Variants in LCORL observed in about 807,000 individuals in gnomAD.
LCORL encodes ligand dependent nuclear receptor corepressor like.
LCORL carries 41 observed loss-of-function variants against 141.8 expected under a neutral mutation model. That is an observed-to-expected ratio of 0.29 (90% CI 0.23 to 0.38). The LOEUF is 0.38. Ranked by LOEUF, LCORL falls within the 10% of genes least tolerant of loss-of-function variation. LCORL has a pLI of 1.00. For synonymous variants in LCORL, 618 were observed against 694.1 expected (o/e 0.89, Z 1.72); for missense variants, 1,759 against 2,035.0 (o/e 0.86, Z 2.61).
At chr4:17,883,655 CACAT>C (rs989700525) in intron 6 of LCORL, 10 of 1,434,084 alleles carry the variant, frequency 7.0e-6, no homozygotes, top group African/African-American at 6.3e-5. Context: ...CACACCTGTG[CACAT>C]ACACACACAC....
chr4:17,843,213 A>C, exon 8 of LCORL: 2 of 1,402,328 alleles, frequency 1.4e-6, no homozygotes, highest in African/African-American at 2.9e-5. Context: ...CACTGATAGA[A>C]TGTGAGTCAG....
chr4:17,925,140 C>T (rs1367562767), intron 4 of LCORL, among the ~76,000 whole-genome samples: 1 of 152,174 alleles, frequency 6.6e-6, no homozygotes, highest in Admixed American at 6.5e-5. Context: ...TTAAGATTGC[C>T]ACCTGGCTAC....
At chr4:18,017,700 A>G (rs1425182373) in intron 1 of LCORL, among the ~76,000 whole-genome samples, 3 of 152,206 alleles carry the variant, frequency 2.0e-5, no homozygotes, top group Non-Finnish European at 4.4e-5. Context: ...CTAAGGAGAC[A>G]TAATTACCAA....
At chr4:17,867,649 T>G (rs1000063547) in intron 7 of LCORL, among the ~76,000 whole-genome samples, 2 of 152,228 alleles carry the variant, frequency 1.3e-5, no homozygotes, top group Admixed American at 6.5e-5. Context: ...TTCCTTGAGT[T>G]CCTTTGTGAC....
chr4:17,877,300 AATC>A, exon 7 of LCORL: 2 of 1,229,532 alleles, frequency 1.6e-6, no homozygotes, highest in Non-Finnish European at 2.0e-6. Flanking sequence ...CCCAATTTTA[AATC>A]ATTATATGTA....
chr4:17,854,861 G>C (rs1724170852), intron 7 of LCORL, among the ~76,000 whole-genome samples: 1 of 152,062 alleles, frequency 6.6e-6, no homozygotes, highest in Non-Finnish European at 1.5e-5. Context: ...AGACTCTGAA[G>C]ACCAACAGTC....
intron 6 of LCORL, among the ~76,000 whole-genome samples, chr4:17,885,673 T>C (rs1393473967): frequency 6.6e-6 from 1 of 151,994 alleles, no homozygotes; most frequent in Non-Finnish European, 1.5e-5. Flanking sequence ...CTAAACACTA[T>C]AAACTAGCAT....
chr4:17,991,845 C>A (rs1306571899), intron 1 of LCORL, among the ~76,000 whole-genome samples: 1 of 151,978 alleles, frequency 6.6e-6, no homozygotes, highest in African/African-American at 2.4e-5. Flanking sequence ...AATACCATAT[C>A]TGAAGCCCTA....
Position 18,010,398 on chromosome 4 carries a change from C to CTGTG in LCORL, c.154+11196_154+11199dup, listed in dbSNP as rs746629992. Among the ~76,000 whole-genome samples, 341 of 150,188 alleles carry CTGTG rather than the reference C, an allele frequency of 2.3e-3. 1 individual carries two copies. Among genetic ancestry groups the CTGTG allele is most frequent in the African/African-American group, 7.4e-3 (303 of 40,982 alleles). ...GGTACATATATATATGTGTGTGTGT[C>CTGTG]TGTGTGTGTGTGTGTATATATATAT... On this transcript the variant is annotated intron_variant, in intron 1 of 7. Coordinates refer to ENST00000635767, the Ensembl canonical transcript of LCORL.
exon 7 of LCORL, chr4:17,876,452 T>C (rs1726932331): frequency 8.1e-7 from 1 of 1,230,804 alleles, no homozygotes; most frequent in African/African-American, 1.6e-5. Context: ...ATTTTTTGGC[T>C]ATACTTATTG....
chr4:17,935,976 A>C (rs1303185548), intron 4 of LCORL, among the ~76,000 whole-genome samples: 1 of 152,196 alleles, frequency 6.6e-6, no homozygotes, highest in African/African-American at 2.4e-5. Flanking sequence ...TGACCACTTA[A>C]AGAACTCTGA....
chr4:17,974,448 A>T (rs1716555724), intron 1 of LCORL, among the ~76,000 whole-genome samples: 1 of 152,164 alleles, frequency 6.6e-6, no homozygotes, highest in Admixed American at 6.5e-5. Flanking sequence ...TCCATTTTAA[A>T]AATAAAGTTC....
chr4:17,845,029 C>A (rs1722779370), exon 8 of LCORL: 1 of 152,062 alleles, frequency 6.6e-6, no homozygotes, highest in Non-Finnish European at 1.5e-5. Context: ...AATCCATTTA[C>A]CATTTTTCAT....
intron 3 of LCORL, 116 bp from the exon 4 acceptor site, chr4:17,962,148 T>C: frequency 3.6e-6 from 2 of 548,772 alleles, no homozygotes. Context: ...GCTCTTTAAA[T>C]TGTATCAAAT....
intron 1 of LCORL, among the ~76,000 whole-genome samples, chr4:17,978,415 A>G (rs1577615007): frequency 6.6e-6 from 1 of 152,084 alleles, no homozygotes; most frequent in South Asian, 2.1e-4. Flanking sequence ...TGGCCAACAA[A>G]GCAAGACCCC....
At chr4:17,944,455 G>C (rs78944600) in intron 4 of LCORL, among the ~76,000 whole-genome samples, 4,453 of 152,078 alleles carry the variant, frequency 0.029, 84 homozygotes, top group Middle Eastern at 0.055. Context: ...TTATTCTACA[G>C]GTAATAATCC....
At chr4:17,919,128 C>A (rs1243250620) in intron 4 of LCORL, among the ~76,000 whole-genome samples, 1 of 151,904 alleles carries the variant, frequency 6.6e-6, no homozygotes, top group Non-Finnish European at 1.5e-5. Flanking sequence ...AAAAACAGTA[C>A]ACCAATAAAT....
chr4:17,923,646 C>T (rs937876467), intron 4 of LCORL, among the ~76,000 whole-genome samples: 5 of 151,858 alleles, frequency 3.3e-5, no homozygotes, highest in Admixed American at 6.6e-5. Flanking sequence ...ACTCAATCCC[C>T]GTGCCCCACC....
chr4:17,883,366 A>C, intron 6 of LCORL: 2 of 1,023,982 alleles, frequency 2.0e-6, no homozygotes, highest in Non-Finnish European at 2.3e-6. Context: ...ATGGTCTTTC[A>C]CCAATAAAAA....
Sources: gnomAD v4.1 joint callset for allele counts (sites outside exome capture counted in the v4.1 genomes callset) on GRCh38, gnomAD v4.1.1 for gene constraint, MANE v1.5 for transcripts, NCBI Gene and HGNC (gene_info 2026-07-23, HGNC 2026-07-21) for gene names.